TANC2: variants seen among roughly 807,000 people sequenced by gnomAD.
TANC2 encodes protein TANC2.
Under a neutral mutation model 210.5 loss-of-function variants are expected in TANC2, and 26 were observed. That is an observed-to-expected ratio of 0.12 (90% CI 0.09 to 0.17). The LOEUF (loss-of-function observed/expected upper bound fraction) is 0.17. TANC2 is among the 10% of genes least tolerant of loss of function. The pLI is 1.00. For missense variants in TANC2, 2,129 were observed against 2,608.9 expected, an observed-to-expected ratio of 0.82 and a Z score of 4.01; for synonymous variants, 931 against 967.1, an observed-to-expected ratio of 0.96 and a Z score of 0.69.
chr17:63,359,687 A>G (rs1186730241), intron 14 of TANC2, among the ~76,000 whole-genome samples: 10 of 152,142 alleles, frequency 6.6e-5, no homozygotes, highest in Non-Finnish European at 1.3e-4. Context: ...AAGATACAAG[A>G]AGCTTGTTGT....
chr17:63,021,984 G>A (rs1397342062), intron 2 of TANC2, among the ~76,000 whole-genome samples: 1 of 152,186 alleles, frequency 6.6e-6, no homozygotes, highest in Admixed American at 6.5e-5. Context: ...ATTCTTGTTA[G>A]TAGCAAAGAG....
rs528350794 is a variant in TANC2 at position 63,366,915 on chromosome 17, G to A, written c.2582+11525G>A. 1.2e-4 allele frequency among the ~76,000 whole-genome samples: 19 copies of A among 152,322 alleles called. No individual in the cohort carries two copies. In the South Asian group the frequency reaches 3.9e-3, roughly 32 times the overall value. On this transcript the variant is annotated intron_variant, in intron 14 of 27. Coordinates refer to ENST00000689528, the Ensembl canonical transcript of TANC2. ...AAGAAGCATGAGTATCATTTGCTGA[G>A]AATGGATAGCCACAAGCAGACTATA...
chr17:63,332,172 G>T, intron 11 of TANC2: 1 of 367,574 alleles, frequency 2.7e-6, no homozygotes, highest in Non-Finnish European at 5.3e-6. Context: ...AAGTTGCAAA[G>T]CCACACACTG....
At chr17:63,196,344 T>A (rs1285851445) in intron 6 of TANC2, among the ~76,000 whole-genome samples, 1 of 152,234 alleles carries the variant, frequency 6.6e-6, no homozygotes, top group Non-Finnish European at 1.5e-5. Flanking sequence ...CACCTTTCAT[T>A]TCTTGATATT....
intron 1 of TANC2, among the ~76,000 whole-genome samples, chr17:62,986,253 A>G (rs1264954927): frequency 6.6e-6 from 1 of 152,014 alleles, no homozygotes; most frequent in Non-Finnish European, 1.5e-5. Context: ...GTGTGCACAT[A>G]GTGGGTTGGC....
chr17:63,367,778 A>AT (rs1467932492), intron 14 of TANC2, among the ~76,000 whole-genome samples: 1 of 152,202 alleles, frequency 6.6e-6, no homozygotes, highest in African/African-American at 2.4e-5. Flanking sequence ...TGATGAGAGA[A>AT]TAAGATGCGT....
chr17:62,984,729 T>A (rs565869154), intron 1 of TANC2, among the ~76,000 whole-genome samples: 1 of 152,192 alleles, frequency 6.6e-6, no homozygotes, highest in Non-Finnish European at 1.5e-5. Context: ...TTGGTTGTTC[T>A]GGAGCAGGTT....
chr17:63,366,408 A>G (rs1427449104), intron 14 of TANC2, among the ~76,000 whole-genome samples: 1 of 152,202 alleles, frequency 6.6e-6, no homozygotes, highest in Non-Finnish European at 1.5e-5. Flanking sequence ...GGTATAAACA[A>G]AGAGCTGAGG....
intron 1 of TANC2, among the ~76,000 whole-genome samples, chr17:62,974,715 T>C (rs1343686121): frequency 1.3e-5 from 2 of 152,236 alleles, no homozygotes; most frequent in Non-Finnish European, 1.5e-5. Context: ...CAAAAACATA[T>C]GTACCATACT....
chr17:63,004,990 C>A (rs1598230918), intron 1 of TANC2: 1 of 171,484 alleles, frequency 5.8e-6, no homozygotes, highest in East Asian at 1.7e-4. Context: ...GATGTGGGCA[C>A]TGATCACAGG....
rs2044363767 is a variant in TANC2 at position 63,290,903 on chromosome 17, A to G, written c.1159+23030A>G. Among the ~76,000 whole-genome samples the G allele has an allele frequency of 2.6e-5, 4 of 152,328 alleles. No homozygotes were observed. The South Asian group carries it at 8.3e-4, about 32-fold the overall frequency. Reference sequence around the variant, plus strand: ...ACAATAATGAAGAGTTAAATGAGTCATTGTTTACATAACAATAAACTTAAC... The same window carrying G: ...ACAATAATGAAGAGTTAAATGAGTCGTTGTTTACATAACAATAAACTTAAC... On this transcript the variant is annotated intron_variant, in intron 9 of 27. Transcript: ENST00000689528.
At chr17:63,115,294 C>T (rs1285776963) in intron 4 of TANC2, among the ~76,000 whole-genome samples, 1 of 151,992 alleles carries the variant, frequency 6.6e-6, no homozygotes, top group Non-Finnish European at 1.5e-5. Context: ...TTGAGTTTGC[C>T]CTACAGTTTT....
At chr17:63,197,843 A>G (rs982586033) in intron 6 of TANC2, 6 of 152,190 alleles carry the variant, frequency 3.9e-5, no homozygotes, top group African/African-American at 1.4e-4. Context: ...TACAGCATGA[A>G]GAATAAATAG....
chr17:63,235,307 G>A (rs890830343), intron 7 of TANC2, among the ~76,000 whole-genome samples: 1 of 152,014 alleles, frequency 6.6e-6, no homozygotes, highest in African/African-American at 2.4e-5. Flanking sequence ...TCCAAAATGA[G>A]CATAGGTTGT....
At chr17:63,336,956 C>T (rs1464129216) in intron 11 of TANC2, among the ~76,000 whole-genome samples, 4 of 151,928 alleles carry the variant, frequency 2.6e-5, no homozygotes, top group Non-Finnish European at 5.9e-5. Context: ...TCTTACCAAG[C>T]GCGCTGGTAC....
intron 8 of TANC2, among the ~76,000 whole-genome samples, chr17:63,244,762 A>G (rs768501333): frequency 2.0e-5 from 3 of 152,190 alleles, no homozygotes; most frequent in Non-Finnish European, 4.4e-5. Flanking sequence ...CTCATTTTGA[A>G]TCATAGCTCC....
intron 1 of TANC2, among the ~76,000 whole-genome samples, chr17:62,997,777 A>T (rs1314466272): frequency 2.0e-5 from 3 of 152,194 alleles, no homozygotes; most frequent in African/African-American, 7.2e-5. Flanking sequence ...CATAGTTCTA[A>T]TGTCAAGAAA....
chr17:63,288,395 G>A (rs1284852261), intron 9 of TANC2, among the ~76,000 whole-genome samples: 2 of 152,188 alleles, frequency 1.3e-5, no homozygotes, highest in Non-Finnish European at 2.9e-5. Flanking sequence ...GATATTATAT[G>A]CTTTCTATTT....
chr17:63,232,189 A>C (rs1182571773), intron 7 of TANC2, among the ~76,000 whole-genome samples: 1 of 152,130 alleles, frequency 6.6e-6, no homozygotes, highest in African/African-American at 2.4e-5. Flanking sequence ...GCTTCTTTGC[A>C]TTGGGTTAGA....
Sources: allele counts gnomAD v4.1 joint callset (sites outside exome capture counted in the v4.1 genomes callset), GRCh38; gene constraint gnomAD v4.1.1; transcripts MANE v1.5; gene names NCBI Gene and HGNC (gene_info 2026-07-23, HGNC 2026-07-21).